PLEKHM1: variants seen among roughly 807,000 people sequenced by gnomAD.
PLEKHM1 encodes pleckstrin homology domain-containing family M member 1.
PLEKHM1 carries 28 observed loss-of-function variants against 94.3 expected under a neutral mutation model. The ratio of observed to expected loss-of-function variants is 0.30; its 90% CI spans 0.22 to 0.41. The LOEUF is 0.41. PLEKHM1 is among the 10% of genes least tolerant of loss of function. The pLI is 1.00. For synonymous variants in PLEKHM1, 424 were observed against 581.2 expected (o/e 0.73, Z 3.89); for missense variants, 907 against 1,358.6 (o/e 0.67, Z 5.22).
Position 45,440,127 on chromosome 17 carries a change from C to T in PLEKHM1, c.2901+36G>A, listed in dbSNP as rs561995708. On this transcript the variant is annotated intron_variant, in intron 10 of 11. Coordinates refer to ENST00000430334, the MANE Select transcript of PLEKHM1 (RefSeq NM_014798.3). ...TGACTTCTCTGGGAATGAAGTCTCTCTAGAGGTCTGGGCGGGGGAAGCATG... is the reference window on the plus strand; with the variant it reads ...TGACTTCTCTGGGAATGAAGTCTCTTTAGAGGTCTGGGCGGGGGAAGCATG... 35 of 1,589,084 alleles carry T rather than the reference C, an allele frequency of 2.2e-5. No homozygotes were observed. In the East Asian group the frequency reaches 7.6e-4, roughly 34 times the overall value.
intron 4 of PLEKHM1, among the ~76,000 whole-genome samples, chr17:45,470,659 T>G (rs1257446652): frequency 9.9e-5 from 14 of 140,960 alleles, no homozygotes; most frequent in Admixed American, 2.8e-4. Context: ...GTTTGTGTGG[T>G]TTTTTTTTTT....
intron 2 of PLEKHM1, among the ~76,000 whole-genome samples, chr17:45,479,285 C>T (rs1479980212): frequency 1.3e-5 from 2 of 151,936 alleles, no homozygotes; most frequent in Non-Finnish European, 2.9e-5. Context: ...TTTGGGAGGC[C>T]GAGGTGGGCG....
At chr17:45,459,476 A>C (rs2051085418) in intron 5 of PLEKHM1, 1 of 151,822 alleles carries the variant, frequency 6.6e-6, no homozygotes, top group Admixed American at 6.6e-5. Context: ...TTTATTGCCA[A>C]ATAATATTCC....
chr17:45,457,226 T>C (rs2050986222), intron 6 of PLEKHM1, among the ~76,000 whole-genome samples: 1 of 142,406 alleles, frequency 7.0e-6, no homozygotes, highest in African/African-American at 2.6e-5. Context: ...AAATAGCAGA[T>C]CCTCCAGCCT....
At chr17:45,486,188 GCCT>G (rs1334178995) in intron 1 of PLEKHM1, among the ~76,000 whole-genome samples, 3 of 146,894 alleles carry the variant, frequency 2.0e-5, no homozygotes, top group African/African-American at 7.6e-5. Flanking sequence ...CTGCACTCCA[GCCT>G]AGGCGACAGA....
chr17:45,461,178 C>T (rs1428062442), intron 5 of PLEKHM1, among the ~76,000 whole-genome samples: 4 of 152,202 alleles, frequency 2.6e-5, no homozygotes, highest in Non-Finnish European at 5.9e-5. Flanking sequence ...TGAGCGACCG[C>T]GCCCAGCCAA....
At chr17:45,461,627 G>C (rs62065391) in intron 5 of PLEKHM1, among the ~76,000 whole-genome samples, 19,388 of 152,104 alleles carry the variant, frequency 0.13, 1,563 homozygotes, top group Middle Eastern at 0.21. Flanking sequence ...AGCATGTAGG[G>C]TTTCTCAGTC....
intron 5 of PLEKHM1, among the ~76,000 whole-genome samples, chr17:45,463,242 G>C (rs555453816): frequency 6.6e-6 from 1 of 152,240 alleles, no homozygotes; most frequent in South Asian, 2.1e-4. Flanking sequence ...AAGCAACAGG[G>C]AAAAAACAGT....
Position 45,437,828 on chromosome 17 carries a change from G to T in PLEKHM1, c.*30C>A. ...GGATGGCTGAGCCACACTCACCCCC[G>T]GCTTTCAGAGCGGGGTCAGCAGATG... On this transcript the variant is annotated 3_prime_UTR_variant, in exon 12 of 12. Coordinates refer to ENST00000430334, the MANE Select transcript of PLEKHM1 (RefSeq NM_014798.3). The surrounding 1 kb of genome is among the most constrained non-coding windows in gnomAD (Gnocchi z 4.0). 6.4e-7 allele frequency: 1 copy of T among 1,553,664 alleles called. No individual in the cohort carries two copies. The highest frequency in any genetic ancestry group is 8.9e-7 in the Non-Finnish European group (1 of 1,124,938).
intron 9 of PLEKHM1, among the ~76,000 whole-genome samples, chr17:45,443,169 C>G (rs1567763103): frequency 6.6e-6 from 1 of 152,056 alleles, no homozygotes; most frequent in African/African-American, 2.4e-5. Context: ...AGGAAAATAT[C>G]TCTGCATGCC....
chr17:45,465,732 G>C (rs1487943498), intron 5 of PLEKHM1, among the ~76,000 whole-genome samples: 1 of 151,444 alleles, frequency 6.6e-6, no homozygotes, highest in East Asian at 1.9e-4. Context: ...TTTTTTAAAA[G>C]AAGCCTGATG....
chr17:45,442,885 T>TC (rs1221959041), intron 9 of PLEKHM1, among the ~76,000 whole-genome samples: 1 of 152,152 alleles, frequency 6.6e-6, no homozygotes, highest in Non-Finnish European at 1.5e-5. Context: ...TGAGCTGTGC[T>TC]CCTGCCAGCC....
chr17:45,471,688 G>A (rs1297792029), intron 4 of PLEKHM1, among the ~76,000 whole-genome samples: 2 of 152,140 alleles, frequency 1.3e-5, no homozygotes, highest in Non-Finnish European at 2.9e-5. Flanking sequence ...CCCAGGAGGC[G>A]GAGGTTGCAG....
rs953428752 is a variant in PLEKHM1, at chr17:45,436,348, G to A, written c.*1510C>T. 17 of 454,070 alleles carry A rather than the reference G, an allele frequency of 3.7e-5. No homozygotes were observed. The highest frequency in any genetic ancestry group is 2.6e-4 in the African/African-American group (13 of 50,022). The allele number at this position is 454,070 out of a possible 1,614,324, so 28.1% of individuals were successfully genotyped here. On this transcript the variant is annotated 3_prime_UTR_variant, in exon 12 of 12. Coordinates refer to ENST00000430334, the MANE Select transcript of PLEKHM1 (RefSeq NM_014798.3). Reference sequence around the variant, plus strand: ...CTGGGCACAGGTGTGTGCCATGACCGGGAGAAGCTGTGCGCAGCCTCCACC... The same window carrying A: ...CTGGGCACAGGTGTGTGCCATGACCAGGAGAAGCTGTGCGCAGCCTCCACC...
rs144402222 is a variant in PLEKHM1 at position 45,445,580 on chromosome 17, G to A, written c.2727C>T (p.Tyr909=). 826 of 1,613,722 alleles carry A rather than the reference G, an allele frequency of 5.1e-4. 5 individuals carry two copies. In the African/African-American group the frequency reaches 9.1e-3, roughly 18 times the overall value. ...TGAGGTGCATCCGCTCCACATGCTC[G>A]TACAGAGACGCGTTCACCATCTGCA... ...INLQMVNASL[Y]EHVERMHLIG... is the part of the protein sequence containing the mutation. Residue 909 remains tyrosine, a synonymous_variant, in exon 9 of 12, where the codon TAC becomes TAT. Coordinates refer to ENST00000430334, the MANE Select transcript of PLEKHM1 (RefSeq NM_014798.3). This position sits in a 1 kb window ranked among gnomAD's most constrained non-coding sequence, Gnocchi z 4.2.
chr17:45,439,722 C>T (rs776011362), intron 10 of PLEKHM1, 88 bp from the exon 11 acceptor site: 2 of 1,556,738 alleles, frequency 1.3e-6, no homozygotes, highest in Middle Eastern at 1.7e-4. Context: ...TTTCAAGCAG[C>T]TGCACTGAGG....
At chr17:45,441,034 G>A (rs185080502) in intron 9 of PLEKHM1, 17 of 152,538 alleles carry the variant, frequency 1.1e-4, no homozygotes, top group Middle Eastern at 3.4e-3. Context: ...AGCCGCCAAC[G>A]CAGCTCTAGT....
At chr17:45,472,277 T>C (rs1396570224) in intron 4 of PLEKHM1, among the ~76,000 whole-genome samples, 2 of 151,982 alleles carry the variant, frequency 1.3e-5, no homozygotes, top group Non-Finnish European at 1.5e-5. Flanking sequence ...GGCTGTGTGT[T>C]TGTGCATCTG....
chr17:45,465,848 A>G (rs1346801978), intron 5 of PLEKHM1, among the ~76,000 whole-genome samples: 3 of 152,096 alleles, frequency 2.0e-5, no homozygotes, highest in African/African-American at 7.2e-5. Flanking sequence ...CCCTGGCAAG[A>G]TAAGATGCCT....
Sources: allele counts gnomAD v4.1 joint callset (sites outside exome capture counted in the v4.1 genomes callset), GRCh38; gene constraint gnomAD v4.1.1; non-coding constraint Gnocchi (gnomAD v3.1); transcripts MANE v1.5; gene names NCBI Gene and HGNC (gene_info 2026-07-23, HGNC 2026-07-21).